Variants in CALR observed in about 807,000 individuals in gnomAD.
The protein encoded by CALR is calreticulin.
A neutral mutation model predicts 51.1 loss-of-function variants in CALR; 15 were observed. The ratio of observed to expected loss-of-function variants is 0.29; its 90% CI spans 0.20 to 0.45. The LOEUF (loss-of-function observed/expected upper bound fraction) is 0.45, where lower values mean the gene tolerates loss of function less well. Among genes scored for constraint, CALR ranks in the 20% least tolerant of loss-of-function variants. CALR has a pLI of 1.00. For missense variants in CALR, 477 were observed against 530.6 expected, an observed-to-expected ratio of 0.90 and a Z score of 0.99; for synonymous variants, 239 against 205.9, an observed-to-expected ratio of 1.16 and a Z score of -1.38.
In CALR at chr19:12,938,668, C is replaced by T. The variant is rs1425093206; in HGVS notation, c.-12C>T. ...TTAAAGGGCCCGCGCGTTGCCGCCC[C>T]CTCGGCCCGCCATGCTGCTATCCGT... On this transcript the variant is annotated 5_prime_UTR_variant, in exon 1 of 9. Coordinates refer to ENST00000316448, the MANE Select transcript of CALR (RefSeq NM_004343.4). 6.2e-7 allele frequency: 1 copy of T among 1,604,084 alleles called. No homozygotes were observed. The highest frequency in any genetic ancestry group is 8.5e-7 in the Non-Finnish European group (1 of 1,175,494).
At chr19:12,941,758 C>T (rs538514917) in intron 7 of CALR, among the ~76,000 whole-genome samples, 7 of 151,910 alleles carry the variant, frequency 4.6e-5, no homozygotes, top group African/African-American at 1.7e-4. Context: ...GCTGGGATTA[C>T]AGGCGTGAGC....
rs775741226 is a variant in CALR, at chr19:12,940,837, A to G, written c.910A>G (p.Ser304Gly). 2 of 1,614,126 alleles carry G rather than the reference A, an allele frequency of 1.2e-6. No individual in the cohort carries two copies. The highest frequency in any genetic ancestry group is 1.7e-6 in the Non-Finnish European group (2 of 1,179,986). The change falls in exon 7 of 9, where the codon AGT (serine) becomes GGT (glycine). Residue 304 changes from serine to glycine, a missense_variant. By Grantham distance (56) the Ser-to-Gly change is moderately conservative. Transcript: ENST00000316448. The stretch of plus-strand genomic sequence containing the variant: ...CAACCCCGAGTATTCTCCCGATCCC[A>G]GTATCTATGCCTATGATAACTTTGG... ...IDNPEYSPDP[S>G]IYAYDNFGVL...
chr19:12,939,082 G>T (rs1273164364), intron 1 of CALR, 52 bp from the exon 2 acceptor site: 14 of 1,014,134 alleles, frequency 1.4e-5, no homozygotes, highest in African/African-American at 3.2e-5. Flanking sequence ...TGTTTGGTGT[G>T]GGGGGGGATT....
intron 7 of CALR, chr19:12,943,188 C>T (rs1055674538): frequency 4.0e-5 from 13 of 321,158 alleles, no homozygotes; most frequent in African/African-American, 3.0e-4. Flanking sequence ...GGGTTCACAT[C>T]ATTCTCCTGT....
At chr19:12,941,011 A>C (rs1971539478) in intron 7 of CALR, 124 bp downstream of exon 7, 1 of 901,168 alleles carries the variant, frequency 1.1e-6, no homozygotes, top group East Asian at 2.4e-5. Context: ...TCTTGTAAAC[A>C]GTACTTCCTG....
At position 12,943,993 on chromosome 19, in the gene CALR, G is replaced by T. The variant is rs957234183; in HGVS notation, c.*80G>T. On this transcript the variant is annotated 3_prime_UTR_variant, in exon 9 of 9. Transcript: ENST00000316448. Reference sequence around the variant, plus strand: ...GCCGCGCCAAATAATGTCTCTGTGAGACTCGAGAACTTTCATTTTTTTCCA... The same window carrying T: ...GCCGCGCCAAATAATGTCTCTGTGATACTCGAGAACTTTCATTTTTTTCCA... 3 of 1,578,932 alleles carry T rather than the reference G, an allele frequency of 1.9e-6. No homozygotes were observed. The highest frequency in any genetic ancestry group is 2.7e-5 in the African/African-American group (2 of 74,362).
At chr19:12,942,654 G>C (rs1301089349) in intron 7 of CALR, among the ~76,000 whole-genome samples, 9 of 150,104 alleles carry the variant, frequency 6.0e-5, no homozygotes, top group Non-Finnish European at 3.0e-5. Context: ...GAGTGCAGTG[G>C]CTTGATCTCG....
chr19:12,939,913 A>T, intron 3 of CALR, 140 bp from the exon 4 acceptor site: 2 of 752,688 alleles, frequency 2.7e-6, no homozygotes, highest in Non-Finnish European at 4.7e-6. Context: ...CCCATTCAGG[A>T]CAGAATCAGG....
At chr19:12,940,202 T>C in intron 4 of CALR, 41 bp from the exon 5 acceptor site, 1 of 1,610,894 alleles carries the variant, frequency 6.2e-7, no homozygotes, top group Non-Finnish European at 8.5e-7. Context: ...GAGGTCAGCC[T>C]CATTGGGGGG....
At chr19:12,939,054 C>A in intron 1 of CALR, 80 bp from the exon 2 acceptor site, 1 of 858,512 alleles carries the variant, frequency 1.2e-6, no homozygotes, top group Admixed American at 2.0e-5. Flanking sequence ...TCCCCAGCAG[C>A]TTGTGGCTCT....
rs748946100 is a variant in CALR, at chr19:12,940,604, G to A, written c.766G>A (p.Glu256Lys). The change falls in exon 6 of 9, where the codon GAG becomes AAG. Residue 256 changes from glutamate to lysine, a missense_variant. By Grantham distance (56) the Glu-to-Lys change is moderately conservative (BLOSUM62 1). Transcript: ENST00000316448. ...DAKKPEDWDE[E>K]MDGEWEPPVI... ...TAAGAAGCCCGAGGACTGGGATGAA[G>A]AGATGGACGGAGAGTGGGAACCCCC... is the stretch of plus-strand genomic sequence containing the variant. The A allele has an allele frequency of 6.2e-7, 1 of 1,614,212 alleles. No individual in the cohort carries two copies. The highest frequency in any genetic ancestry group is 8.5e-7 in the Non-Finnish European group (1 of 1,180,036).
rs760256751 is a variant in CALR at position 12,940,252 on chromosome 19, T to C, written c.502T>C (p.Phe168Leu). The C allele has an allele frequency of 1.9e-6, 3 of 1,614,102 alleles. No individual in the cohort carries two copies. The highest frequency in any genetic ancestry group is 2.5e-6 in the Non-Finnish European group (3 of 1,180,004). Reference sequence around the variant, plus strand: ...CTTCTTCCTTCTTCAGGATGATGAGTTTACACACCTGTACACACTGATTGT... The same window carrying C: ...CTTCTTCCTTCTTCAGGATGATGAGCTTACACACCTGTACACACTGATTGT... ...NKDIRCKDDE[F>L]THLYTLIVRP... Residue 168 changes from phenylalanine (F) to leucine (L), a missense_variant, in exon 5 of 9, where the codon TTT becomes CTT. Transcript: ENST00000316448.
intron 7 of CALR, 68 bp from the exon 8 acceptor site, chr19:12,943,469 T>A (rs775267677): frequency 7.3e-6 from 10 of 1,371,004 alleles, no homozygotes; most frequent in African/African-American, 2.9e-5. Context: ...GGAACACAGG[T>A]GGAAACCCTG....
Position 12,940,843 on chromosome 19 carries a change from T to C in CALR, c.916T>C (p.Tyr306His), listed in dbSNP as rs764176358. The C allele has an allele frequency of 6.2e-7, 1 of 1,614,098 alleles. No individual in the cohort carries two copies. The highest frequency in any genetic ancestry group is 8.5e-7 in the Non-Finnish European group (1 of 1,179,958). ...NPEYSPDPSI[Y>H]AYDNFGVLGL... is the part of the protein sequence containing the mutation. Reference sequence around the variant, plus strand: ...CGAGTATTCTCCCGATCCCAGTATCTATGCCTATGATAACTTTGGCGTGCT... The same window carrying C: ...CGAGTATTCTCCCGATCCCAGTATCCATGCCTATGATAACTTTGGCGTGCT... Residue 306 changes from tyrosine (Y) to histidine (H), a missense_variant, in exon 7 of 9, where the codon TAT becomes CAT. Physicochemically the swap from Tyr to His is moderately conservative, Grantham distance 83. Coordinates refer to ENST00000316448, the MANE Select transcript of CALR (RefSeq NM_004343.4).
At position 12,940,556 on chromosome 19, in the gene CALR, G is replaced by A. The variant is rs1019627616; in HGVS notation, c.718G>A (p.Glu240Lys). 4.3e-6 allele frequency: 7 copies of A among 1,614,032 alleles called. No individual in the cohort carries two copies. The Admixed American group carries it at 5.0e-5, about 12-fold the overall frequency. ...DSKPEDWDKP[E>K]HIPDPDAKKP... ...TACCCCCCAGGACTGGGACAAGCCC[G>A]AGCATATCCCTGACCCTGATGCTAA... is the stretch of plus-strand genomic sequence containing the variant. The change falls in exon 6 of 9, where the codon GAG becomes AAG. Residue 240 changes from glutamate (E) to lysine (K), a missense_variant. Glu to Lys is a moderately conservative substitution (Grantham distance 56, BLOSUM62 1). Coordinates refer to ENST00000316448, the MANE Select transcript of CALR (RefSeq NM_004343.4).
chr19:12,939,129 C>T lies in CALR; in HGVS notation c.92-5C>T, dbSNP rs369634813. The T allele has an allele frequency of 2.3e-5, 37 of 1,587,210 alleles. No homozygotes were observed. The African/African-American group carries it at 4.0e-4, about 17-fold the overall frequency. On this transcript the variant is annotated splice_polypyrimidine_tract_variant and splice_region_variant and intron_variant, in intron 1 of 8. Transcript: ENST00000316448. ...TCTGACCTACCCCTCTAATCCCCCACTTAGACGGGTGGACTTCCCGCTGGA... is the reference window on the plus strand; with the variant it reads ...TCTGACCTACCCCTCTAATCCCCCATTTAGACGGGTGGACTTCCCGCTGGA...
At chr19:12,939,059 G>T in intron 1 of CALR, 75 bp from the exon 2 acceptor site, 1 of 882,490 alleles carries the variant, frequency 1.1e-6, no homozygotes, top group Non-Finnish European at 1.9e-6. Flanking sequence ...AGCAGCTTGT[G>T]GCTCTCGGCA....
chr19:12,940,429 G>A lies in CALR; in HGVS notation c.679G>A (p.Asp227Asn). Residue 227 changes from aspartate to asparagine, a missense_variant, in exon 5 of 9, where the codon GAT (aspartate) becomes AAT (asparagine). Physicochemically the swap from Asp to Asn is conservative, Grantham distance 23 (BLOSUM62 1). Transcript: ENST00000316448. ...EDWDERAKID[D>N]PTDSKPEDWD... ...CTGGGATGAGCGGGCCAAGATCGAT[G>A]ATCCCACAGACTCCAAGCCTGAGGT... 6.2e-7 allele frequency: 1 copy of A among 1,614,180 alleles called. No homozygotes were observed. Among genetic ancestry groups the A allele is most frequent in the Non-Finnish European group, 8.5e-7 (1 of 1,180,016 alleles).
rs777096782 is a variant in CALR at position 12,940,648 on chromosome 19, G to A, written c.810G>A (p.Glu270=). 27 of 1,613,856 alleles carry A rather than the reference G, an allele frequency of 1.7e-5. No homozygotes were observed. Among genetic ancestry groups the A allele is most frequent in the Non-Finnish European group, 1.9e-5 (23 of 1,179,836 alleles). The change falls in exon 6 of 9, where the codon GAG becomes GAA. Residue 270 remains glutamate (E), a synonymous_variant. Transcript: ENST00000316448. ...EWEPPVIQNP[E]YKGEWKPRQI... is the part of the protein sequence containing the mutation. ...AACCCCCAGTGATTCAGAACCCTGA[G>A]TACAAGGTGAGTTTGGGGCTCTGAG... is the stretch of plus-strand genomic sequence containing the variant.
Sources: allele counts gnomAD v4.1 joint callset (sites outside exome capture counted in the v4.1 genomes callset), GRCh38; gene constraint gnomAD v4.1.1; transcripts MANE v1.5; gene names NCBI Gene and HGNC (gene_info 2026-07-23, HGNC 2026-07-21).